The following WASF3 variants were observed in gnomAD, a reference collection of about 807,000 sequenced individuals.
WASF3 encodes the protein actin-binding protein WASF3.
A neutral mutation model predicts 46.6 loss-of-function variants in WASF3; 11 were observed. The observed-to-expected ratio is 0.24, with a 90% CI of 0.15 to 0.39. The LOEUF (loss-of-function observed/expected upper bound fraction) is 0.39. Ranked by LOEUF, WASF3 falls within the 10% of genes least tolerant of loss-of-function variation. The pLI, the probability that WASF3 is intolerant of heterozygous loss-of-function variation, is 1.00. For missense variants in WASF3, 576 were observed against 669.8 expected (o/e 0.86, Z 1.55); for synonymous variants, 242 against 259.7 (o/e 0.93, Z 0.65).
intron 1 of WASF3, among the ~76,000 whole-genome samples, chr13:26,579,668 C>T (rs1402016020): frequency 6.6e-6 from 1 of 152,032 alleles, no homozygotes; most frequent in Non-Finnish European, 1.5e-5. Flanking sequence ...CTGTAACAGC[C>T]CCCTGGACCC....
intron 3 of WASF3, among the ~76,000 whole-genome samples, chr13:26,656,631 A>G (rs1464130792): frequency 6.6e-6 from 1 of 152,130 alleles, no homozygotes; most frequent in Non-Finnish European, 1.5e-5. Context: ...AAGTCTTATC[A>G]TTCTAACCCA....
At chr13:26,610,596 C>T (rs1001400160) in intron 1 of WASF3, among the ~76,000 whole-genome samples, 5 of 152,082 alleles carry the variant, frequency 3.3e-5, no homozygotes, top group South Asian at 4.1e-4. Flanking sequence ...GGAAACTAGA[C>T]GACAGGAGGG....
At chr13:26,559,804 CTTTCTTTTTTTTTTTTTTTT>C (rs1454454454) in intron 1 of WASF3, among the ~76,000 whole-genome samples, 2 of 50,664 alleles carry the variant, frequency 3.9e-5, no homozygotes, top group South Asian at 7.7e-4. Context: ...TTCTTTCTTT[CTTTCTTTTTTTTTTTTTTTT>C]TTTTTTTTTT....
chr13:26,542,424 G>C, the WASF3 span, among the ~76,000 whole-genome samples: 1 of 152,208 alleles, frequency 6.6e-6, no homozygotes, highest in Non-Finnish European at 1.5e-5. Context: ...TTGGCCTGTA[G>C]TCAGCAGCAT....
rs184619221 is a variant in WASF3 at position 26,609,956 on chromosome 13, A to T, written c.-108-3005A>T. Among the ~76,000 whole-genome samples the T allele has an allele frequency of 1.8e-3, 271 of 152,326 alleles. 2 individuals carry two copies. The highest frequency in any genetic ancestry group is 6.3e-3 in the African/African-American group (260 of 41,572). Reference sequence around the variant, plus strand: ...CTAGCCACATGTTACTATTTAAATGAACATTAGTTAAAATGAAGTAAAATA... The same window carrying T: ...CTAGCCACATGTTACTATTTAAATGTACATTAGTTAAAATGAAGTAAAATA... On this transcript the variant is annotated intron_variant, in intron 1 of 9. Transcript: ENST00000335327.
intron 1 of WASF3, among the ~76,000 whole-genome samples, chr13:26,562,152 G>A (rs1031746733): frequency 6.6e-6 from 1 of 152,198 alleles, no homozygotes; most frequent in Admixed American, 6.5e-5. Flanking sequence ...GTTAATGGAA[G>A]CTGTTGGAGT....
At chr13:26,655,488 C>G (rs1490234798) in intron 3 of WASF3, among the ~76,000 whole-genome samples, 1 of 151,952 alleles carries the variant, frequency 6.6e-6, no homozygotes, top group African/African-American at 2.4e-5. Context: ...AGATTTTTTT[C>G]CCTATGTGAT....
At chr13:26,657,835 A>C (rs1219228996) in intron 3 of WASF3, among the ~76,000 whole-genome samples, 1 of 152,270 alleles carries the variant, frequency 6.6e-6, no homozygotes, top group Non-Finnish European at 1.5e-5. Flanking sequence ...CTTATTCATC[A>C]GAAAATATAG....
chr13:26,608,696 G>A (rs1430913713), intron 1 of WASF3, among the ~76,000 whole-genome samples: 1 of 152,128 alleles, frequency 6.6e-6, no homozygotes, highest in South Asian at 2.1e-4. Flanking sequence ...TAGCAATGGG[G>A]TATCGAAGCT....
chr13:26,662,862 C>T (rs1882669786), intron 3 of WASF3, among the ~76,000 whole-genome samples: 1 of 88,346 alleles, frequency 1.1e-5, no homozygotes, highest in African/African-American at 3.6e-5. Context: ...ACAGGGCCCT[C>T]TGTGTCATAC....
intron 2 of WASF3, among the ~76,000 whole-genome samples, chr13:26,621,780 G>A (rs1227549133): frequency 6.6e-6 from 1 of 152,176 alleles, no homozygotes; most frequent in Non-Finnish European, 1.5e-5. Flanking sequence ...GAAGTGAGGA[G>A]TTTAGGAAGC....
intron 3 of WASF3, among the ~76,000 whole-genome samples, chr13:26,658,069 G>A (rs1882518131): frequency 6.6e-6 from 1 of 152,136 alleles, no homozygotes; most frequent in African/African-American, 2.4e-5. Context: ...AGTACATGAT[G>A]TTGTTCTCAA....
chr13:26,553,375 G>A (rs959081881), upstream of WASF3, among the ~76,000 whole-genome samples: 5 of 151,868 alleles, frequency 3.3e-5, no homozygotes, highest in African/African-American at 1.2e-4. Context: ...TACAGGTATC[G>A]AGTCTCCACG....
At chr13:26,584,439 T>C (rs542098) in intron 1 of WASF3, among the ~76,000 whole-genome samples, 96,170 of 152,018 alleles carry the variant, frequency 0.63, 31,037 homozygotes, top group African/African-American at 0.76. Context: ...GGAAACTAGT[T>C]CTAGGATTTG....
At chr13:26,545,710 TC>T in the WASF3 span, among the ~76,000 whole-genome samples, 12 of 152,316 alleles carry the variant, frequency 7.9e-5, 1 homozygote, top group Admixed American at 7.8e-4. Context: ...GGCTCAAGTA[TC>T]CCCTTGCCTC....
intron 3 of WASF3, 108 bp downstream of exon 3, chr13:26,642,511 A>T (rs951855021): frequency 2.3e-6 from 3 of 1,314,598 alleles, no homozygotes; most frequent in Non-Finnish European, 3.1e-6. Context: ...TAAGGAAAAG[A>T]TCCTTTCTCC....
intron 3 of WASF3, among the ~76,000 whole-genome samples, chr13:26,659,420 G>A (rs1405818950): frequency 6.6e-6 from 1 of 151,992 alleles, no homozygotes; most frequent in Non-Finnish European, 1.5e-5. Context: ...TCGTGTAGGA[G>A]CTTATAAGTG....
At chr13:26,543,510 A>C in the WASF3 span, among the ~76,000 whole-genome samples, 11 of 152,204 alleles carry the variant, frequency 7.2e-5, no homozygotes, top group Non-Finnish European at 1.2e-4. Flanking sequence ...AGAGAGTAAT[A>C]GATCAATGTT....
intron 2 of WASF3, among the ~76,000 whole-genome samples, chr13:26,634,645 T>C (rs1032145374): frequency 1.3e-5 from 2 of 152,248 alleles, no homozygotes; most frequent in Non-Finnish European, 2.9e-5. Flanking sequence ...TTTCCATGTT[T>C]AGCGCTTCTT....
Sources: gnomAD v4.1 joint callset for allele counts (sites outside exome capture counted in the v4.1 genomes callset) on GRCh38, gnomAD v4.1.1 for gene constraint, MANE v1.5 for transcripts, NCBI Gene and HGNC (gene_info 2026-07-23, HGNC 2026-07-21) for gene names.